Variants in DYNC2I2 observed in about 807,000 individuals in gnomAD.
DYNC2I2 encodes cytoplasmic dynein 2 intermediate chain 2.
DYNC2I2 carries 39 observed loss-of-function variants against 52.0 expected under a neutral mutation model. The ratio of observed to expected loss-of-function variants is 0.75; its 90% CI spans 0.58 to 0.98. DYNC2I2 has a LOEUF of 0.98. DYNC2I2 is among the 50% of genes least tolerant of loss of function. The pLI is 0.00. For synonymous variants in DYNC2I2, 359 were observed against 321.1 expected, an observed-to-expected ratio of 1.12 and a Z score of -1.26; for missense variants, 743 against 728.4, an observed-to-expected ratio of 1.02 and a Z score of -0.23.
chr9:128,646,856 G>A (rs1334721070), intron 1 of DYNC2I2, among the ~76,000 whole-genome samples: 2 of 152,272 alleles, frequency 1.3e-5, no homozygotes, highest in African/African-American at 4.8e-5. Context: ...GCTGGGCACA[G>A]TGGCTCACGC....
upstream of DYNC2I2, among the ~76,000 whole-genome samples, chr9:128,661,759 C>T (rs927356838): frequency 4.6e-5 from 7 of 151,388 alleles, no homozygotes; most frequent in African/African-American, 1.2e-4. Context: ...GAAAAAAAGC[C>T]GGCCGGGCTT....
chr9:128,642,117 C>T (rs1349392850), intron 1 of DYNC2I2, among the ~76,000 whole-genome samples: 1 of 151,416 alleles, frequency 6.6e-6, no homozygotes, highest in Admixed American at 6.6e-5. Context: ...GAAACCCAAT[C>T]TGTACTAAAA....
chr9:128,649,705 A>AAAAAAAAAAAAAAAAC (rs1564344280), intron 1 of DYNC2I2, among the ~76,000 whole-genome samples: 7 of 143,542 alleles, frequency 4.9e-5, no homozygotes, highest in African/African-American at 1.9e-4. Context: ...AAAAAAAAAA[A>AAAAAAAAAAAAAAAAC]AAAACTGGGC....
At chr9:128,634,057 C>T (rs1589426981) in intron 8 of DYNC2I2, 75 bp from the exon 9 acceptor site, 13 of 1,570,664 alleles carry the variant, frequency 8.3e-6, no homozygotes, top group East Asian at 6.7e-5. Flanking sequence ...GGCTAATGCC[C>T]GGGTTCAATC....
the DYNC2I2 span, among the ~76,000 whole-genome samples, chr9:128,670,941 C>T: frequency 6.6e-6 from 1 of 151,764 alleles, no homozygotes; most frequent in Non-Finnish European, 1.5e-5. Flanking sequence ...GTGGCACGTG[C>T]CTGTAATCCC....
intron 5 of DYNC2I2, 86 bp from the exon 6 acceptor site, chr9:128,635,345 A>AG: frequency 6.9e-7 from 1 of 1,454,282 alleles, no homozygotes; most frequent in Non-Finnish European, 9.2e-7. Flanking sequence ...CCTCTCTTCC[A>AG]GGAAAAAAAA....
chr9:128,660,914 GA>G (rs1436519473), upstream of DYNC2I2, among the ~76,000 whole-genome samples: 2 of 150,534 alleles, frequency 1.3e-5, no homozygotes, highest in African/African-American at 2.4e-5. Context: ...ATTTTTAGTA[GA>G]GACGGGGTTT....
chr9:128,654,024 A>G (rs1166697892), intron 1 of DYNC2I2, among the ~76,000 whole-genome samples: 1 of 152,200 alleles, frequency 6.6e-6, no homozygotes, highest in Non-Finnish European at 1.5e-5. Flanking sequence ...AGAAAACAAA[A>G]AACAAAAACA....
intron 5 of DYNC2I2, 63 bp from the exon 6 acceptor site, chr9:128,635,322 C>T: frequency 6.5e-7 from 1 of 1,532,104 alleles, no homozygotes; most frequent in African/African-American, 1.4e-5. Flanking sequence ...TGTCACGCTC[C>T]ACCCCTACCC....
At chr9:128,670,708 C>T in the DYNC2I2 span, among the ~76,000 whole-genome samples, 1 of 150,886 alleles carries the variant, frequency 6.6e-6, no homozygotes, top group African/African-American at 2.4e-5. Flanking sequence ...TGCACTTCAG[C>T]CTGGCAACAG....
chr9:128,635,013 A>G, intron 6 of DYNC2I2, 79 bp downstream of exon 6: 1 of 1,583,982 alleles, frequency 6.3e-7, no homozygotes, highest in Non-Finnish European at 8.6e-7. Context: ...AGATCACAGC[A>G]AGTCAGGCCC....
chr9:128,668,435 G>A, the DYNC2I2 span, among the ~76,000 whole-genome samples: 7 of 151,842 alleles, frequency 4.6e-5, no homozygotes, highest in East Asian at 3.9e-4. Context: ...TGATCCGCCC[G>A]CCTTGGCGTG....
At chr9:128,647,161 G>T (rs1860630893) in intron 1 of DYNC2I2, among the ~76,000 whole-genome samples, 1 of 152,036 alleles carries the variant, frequency 6.6e-6, no homozygotes, top group Non-Finnish European at 1.5e-5. Flanking sequence ...CAATAATATG[G>T]CACCTGCAAA....
the DYNC2I2 span, among the ~76,000 whole-genome samples, chr9:128,680,578 C>T: frequency 1.3e-5 from 2 of 150,178 alleles, no homozygotes; most frequent in Non-Finnish European, 3.0e-5. Context: ...GGGGTTTCAC[C>T]GTGTTAGCCT....
At chr9:128,656,498 G>C in intron 1 of DYNC2I2, 43 bp downstream of exon 1, 2 of 1,235,306 alleles carry the variant, frequency 1.6e-6, no homozygotes, top group Non-Finnish European at 2.0e-6. Context: ...CTGCGACCCC[G>C]CCTTCCCGCC....
chr9:128,666,315 G>A, the DYNC2I2 span, among the ~76,000 whole-genome samples: 483 of 150,212 alleles, frequency 3.2e-3, 3 homozygotes, highest in African/African-American at 0.011. Context: ...CTGGGAGGTG[G>A]AGGTTGCAGT....
chr9:128,642,855 G>A (rs1046329315), intron 1 of DYNC2I2, among the ~76,000 whole-genome samples: 4 of 152,246 alleles, frequency 2.6e-5, no homozygotes, highest in East Asian at 1.9e-4. Context: ...TGCCCCAGGC[G>A]CTTACATAGG....
rs1448280665 is a variant in DYNC2I2 at position 128,635,692 on chromosome 9, A to G, written c.779T>C (p.Leu260Pro). ...AGGGTCTGTGTGGGTGTCATCCGTC[A>G]GGCCTGTGCGCCACAGCAGCGGGTC... ...LEDPLLWRTGLTDDTHTDPVS... is the reference protein window; with the variant it reads ...LEDPLLWRTGPTDDTHTDPVS... The change falls in exon 5 of 9, where the codon CTG (leucine) becomes CCG (proline). Residue 260 changes from leucine (L) to proline (P), a missense_variant. Coordinates refer to ENST00000372715, the MANE Select transcript of DYNC2I2 (RefSeq NM_052844.4). The G allele has an allele frequency of 1.9e-6, 3 of 1,612,144 alleles. No homozygotes were observed. The highest frequency in any genetic ancestry group is 1.1e-5 in the South Asian group (1 of 90,612).
the DYNC2I2 span, among the ~76,000 whole-genome samples, chr9:128,671,226 G>A: frequency 1.3e-5 from 2 of 151,914 alleles, no homozygotes; most frequent in African/African-American, 4.8e-5. Context: ...TTGAGCCCAG[G>A]AGTTCAAGAC....
Sources: gnomAD v4.1 joint callset for allele counts (sites outside exome capture counted in the v4.1 genomes callset) on GRCh38, gnomAD v4.1.1 for gene constraint, MANE v1.5 for transcripts, NCBI Gene and HGNC (gene_info 2026-07-23, HGNC 2026-07-21) for gene names.